The following PPFIA1 variants were observed in gnomAD, a reference collection of about 807,000 sequenced individuals.
PPFIA1 encodes the protein liprin-alpha-1.
In PPFIA1, 25 loss-of-function variants were observed where a neutral mutation model predicts 149.9. The observed-to-expected ratio is 0.17, with a 90% CI of 0.12 to 0.23. PPFIA1 has a LOEUF of 0.23. Ranked by LOEUF, PPFIA1 falls within the 10% of genes least tolerant of loss-of-function variation. The pLI, the probability that PPFIA1 is intolerant of heterozygous loss-of-function variation, is 1.00. For synonymous variants in PPFIA1, 549 were observed against 552.8 expected (o/e 0.99, Z 0.10); for missense variants, 1,362 against 1,506.5 (o/e 0.90, Z 1.59).
chr11:70,325,237 G>A, intron 4 of PPFIA1: 1 of 442,004 alleles, frequency 2.3e-6, no homozygotes. Flanking sequence ...TTAGGTTGTT[G>A]CAAAAGTAAT....
chr11:70,354,061 G>T, intron 16 of PPFIA1: 1 of 445,718 alleles, frequency 2.2e-6, no homozygotes, highest in Admixed American at 3.9e-5. Context: ...TGAGGATGAG[G>T]GGCATACCTG....
rs142464353 is a variant in PPFIA1, at chr11:70,376,536, G to T, written c.3320G>T (p.Arg1107Leu). 2.4e-5 allele frequency: 38 copies of T among 1,612,802 alleles called. No homozygotes were observed. The highest frequency in any genetic ancestry group is 5.5e-5 in the South Asian group (5 of 91,066). The change falls in exon 25 of 28, where the codon CGT becomes CTT. Residue 1107 changes from arginine (R) to leucine (L), a missense_variant. Coordinates refer to ENST00000253925, the MANE Select transcript of PPFIA1 (RefSeq NM_003626.5). ...LQIPTQNTQARAVLEREFNNL... is the reference protein window; with the variant it reads ...LQIPTQNTQALAVLEREFNNL... ...GTTTTTCTTTGGTTATTTCAGGCTC[G>T]TGCTGTCTTGGAAAGAGAATTTAAC...
At position 70,326,803 on chromosome 11, in the gene PPFIA1, A is replaced by G; in HGVS notation, c.915A>G (p.Gln305=). The G allele has an allele frequency of 6.2e-7, 1 of 1,613,742 alleles. No individual in the cohort carries two copies. The highest frequency in any genetic ancestry group is 8.5e-7 in the Non-Finnish European group (1 of 1,179,664). ...IKSEEMNTKL[Q]RDVREAMAQK... ...CTGAAGAAATGAACACAAAATTGCAACGAGATGTCCGTGAAGTGAGCAATA... is the reference window on the plus strand; with the variant it reads ...CTGAAGAAATGAACACAAAATTGCAGCGAGATGTCCGTGAAGTGAGCAATA... The change falls in exon 7 of 28, where the codon CAA becomes CAG. Residue 305 remains glutamine (Q), a synonymous_variant. Coordinates refer to ENST00000253925, the MANE Select transcript of PPFIA1 (RefSeq NM_003626.5).
At chr11:70,322,533 A>G (rs940089740) in intron 2 of PPFIA1, among the ~76,000 whole-genome samples, 2 of 152,178 alleles carry the variant, frequency 1.3e-5, no homozygotes, top group Non-Finnish European at 2.9e-5. Context: ...AAGAGGTTTC[A>G]GCACTTACAG....
At chr11:70,338,555 C>T in intron 13 of PPFIA1, 102 bp downstream of exon 13, 1 of 891,012 alleles carries the variant, frequency 1.1e-6, no homozygotes, top group Non-Finnish European at 1.8e-6. Context: ...GGTGTGACCT[C>T]AAGGAGCCTG....
chr11:70,302,795 C>A (rs625294), intron 2 of PPFIA1, among the ~76,000 whole-genome samples: 1 of 144,330 alleles, frequency 6.9e-6, no homozygotes, highest in East Asian at 2.2e-4. Flanking sequence ...TTTTTAAAGA[C>A]ATGTGATCCC....
In PPFIA1 at chr11:70,343,879, A is replaced by G; in HGVS notation, c.1918A>G (p.Asn640Asp). ...MMLQEQLDAI[N>D]KEIRLIQEEK... Reference sequence around the variant, plus strand: ...GCTTCAGGAGCAGCTGGACGCCATCAACAAAGAGATCAGGTGTGTGCAACC... The same window carrying G: ...GCTTCAGGAGCAGCTGGACGCCATCGACAAAGAGATCAGGTGTGTGCAACC... Residue 640 changes from asparagine to aspartate, a missense_variant, in exon 15 of 28, where the codon AAC (asparagine) becomes GAC (aspartate). Transcript: ENST00000253925. 1 of 1,613,474 alleles carries G rather than the reference A, an allele frequency of 6.2e-7. No homozygotes were observed. The highest frequency in any genetic ancestry group is 8.5e-7 in the Non-Finnish European group (1 of 1,179,838).
At chr11:70,296,923 C>T (rs1399159274) in intron 2 of PPFIA1, among the ~76,000 whole-genome samples, 2 of 152,244 alleles carry the variant, frequency 1.3e-5, no homozygotes, top group Middle Eastern at 3.4e-3. Flanking sequence ...CACTGTGAGA[C>T]GTGCCTCACA....
At chr11:70,359,225 G>A (rs1355087123) in intron 19 of PPFIA1, among the ~76,000 whole-genome samples, 1 of 152,174 alleles carries the variant, frequency 6.6e-6, no homozygotes, top group African/African-American at 2.4e-5. Context: ...TGTTGACCAG[G>A]CTGGTCTTGA....
intron 16 of PPFIA1, among the ~76,000 whole-genome samples, chr11:70,352,881 C>T (rs933985777): frequency 4.6e-5 from 7 of 152,082 alleles, no homozygotes; most frequent in African/African-American, 1.7e-4. Flanking sequence ...GGGCTTTCCC[C>T]AGACCCTGTT....
At chr11:70,308,108 G>A (rs1300819645) in intron 2 of PPFIA1, among the ~76,000 whole-genome samples, 1 of 152,360 alleles carries the variant, frequency 6.6e-6, no homozygotes, top group African/African-American at 2.4e-5. Context: ...GAGTGCAATG[G>A]TGCGATCTCG....
intron 2 of PPFIA1, 36 bp downstream of exon 2, chr11:70,272,472 CTCCACTAAATGTTTTTTTATTAG>C: frequency 6.5e-7 from 1 of 1,547,378 alleles, no homozygotes; most frequent in Non-Finnish European, 8.7e-7. Flanking sequence ...ATAGATTTTT[CTCCACTAAATGTTTTTTTATTAG>C]TGTCATCTTT....
intron 16 of PPFIA1, 124 bp from the exon 17 acceptor site, chr11:70,354,177 A>G (rs908797426): frequency 1.9e-6 from 2 of 1,041,882 alleles, no homozygotes; most frequent in African/African-American, 3.2e-5. Context: ...AGACTGAAAC[A>G]AGACTTTCTG....
In PPFIA1 at chr11:70,338,161, T is replaced by C. The variant is rs559583135; in HGVS notation, c.1492-213T>C. Reference sequence around the variant, plus strand: ...TCTATGACTAAGACACAGCTTTTCATTCATTAGGGCTTACAAAGTTAATAT... The same window carrying C: ...TCTATGACTAAGACACAGCTTTTCACTCATTAGGGCTTACAAAGTTAATAT... On this transcript the variant is annotated intron_variant, in intron 12 of 27. Coordinates refer to ENST00000253925, the MANE Select transcript of PPFIA1 (RefSeq NM_003626.5). Among the ~76,000 whole-genome samples the C allele has an allele frequency of 2.7e-4, 41 of 152,382 alleles. No individual in the cohort carries two copies. The South Asian group carries it at 7.9e-3, about 29-fold the overall frequency.
At chr11:70,353,242 G>A (rs1370651288) in intron 16 of PPFIA1, among the ~76,000 whole-genome samples, 2 of 152,152 alleles carry the variant, frequency 1.3e-5, no homozygotes, top group South Asian at 2.1e-4. Context: ...CCAGTGGTAC[G>A]TGCTTGTAGT....
chr11:70,327,318 G>A (rs937282243), intron 7 of PPFIA1: 1 of 153,658 alleles, frequency 6.5e-6, no homozygotes, highest in African/African-American at 2.4e-5. Flanking sequence ...CTCATTTTCT[G>A]ACCTGCTCCT....
At chr11:70,272,045 C>G (rs2135966074) in intron 1 of PPFIA1, 128 bp from the exon 2 acceptor site, 1 of 1,061,772 alleles carries the variant, frequency 9.4e-7, no homozygotes, top group South Asian at 1.5e-5. Flanking sequence ...TATTTACACA[C>G]AAAGCATAAC....
rs2054938197 is a variant in PPFIA1 at position 70,335,816 on chromosome 11, C to A, written c.1428+122C>A. ...GCTGTTACCGAAAATGGGAATTATT[C>A]TTTAAAGTGGAAAAGGTATGCACAG... On this transcript the variant is annotated intron_variant, in intron 11 of 27. Coordinates refer to ENST00000253925, the MANE Select transcript of PPFIA1 (RefSeq NM_003626.5). 4.2e-6 allele frequency: 5 copies of A among 1,176,822 alleles called. No homozygotes were observed. In the Admixed American group the frequency reaches 1.1e-4, roughly 25 times the overall value. The allele number at this position is 1,176,822 out of a possible 1,614,324, so 72.9% of individuals were successfully genotyped here. A position where few individuals can be genotyped will look rare whatever the true frequency, so the allele number is the denominator to read the frequency against.
chr11:70,379,821 GTAT>G (rs1282016840), intron 26 of PPFIA1, among the ~76,000 whole-genome samples: 2 of 152,174 alleles, frequency 1.3e-5, no homozygotes, highest in African/African-American at 4.8e-5. Flanking sequence ...GTAAAAAGCT[GTAT>G]TATTTATTTA....
Sources: allele counts gnomAD v4.1 joint callset (sites outside exome capture counted in the v4.1 genomes callset), GRCh38; gene constraint gnomAD v4.1.1; transcripts MANE v1.5; gene names NCBI Gene and HGNC (gene_info 2026-07-23, HGNC 2026-07-21).